The following FAM83G variants were observed in gnomAD, a reference collection of about 807,000 sequenced individuals.
FAM83G encodes scaffolding CK1 anchoring protein G.
Under a neutral mutation model 61.5 loss-of-function variants are expected in FAM83G, and 38 were observed. The ratio of observed to expected loss-of-function variants is 0.62; its 90% CI spans 0.48 to 0.81. FAM83G has a LOEUF of 0.81. Among genes scored for constraint, FAM83G ranks in the 30% least tolerant of loss-of-function variants. The pLI, the probability that FAM83G is intolerant of heterozygous loss-of-function variation, is 0.00. For synonymous variants in FAM83G, 470 were observed against 476.1 expected, an observed-to-expected ratio of 0.99 and a Z score of 0.17; for missense variants, 989 against 1,133.6, an observed-to-expected ratio of 0.87 and a Z score of 1.83.
In FAM83G at chr17:18,969,163, G is replaced by A. The variant is rs377336455; in HGVS notation, c.*2196C>T. 48 of 1,613,026 alleles carry A rather than the reference G, an allele frequency of 3.0e-5. No homozygotes were observed. The East Asian group carries it at 9.8e-4, about 33-fold the overall frequency. On this transcript the variant is annotated 3_prime_UTR_variant, in exon 6 of 6. Transcript: ENST00000388995. ...AGCCCTGTACACCATCGCAGGTATG[G>A]TGCCTGCAGCAGGGAGGTCCACCCA...
intron 2 of FAM83G, among the ~76,000 whole-genome samples, chr17:18,990,954 A>T (rs2043406276): frequency 6.6e-6 from 1 of 152,144 alleles, no homozygotes; most frequent in African/African-American, 2.4e-5. Context: ...GCCCTGTCCC[A>T]CCCAGAGCAC....
chr17:18,981,468 T>C (rs2152013621), intron 3 of FAM83G, among the ~76,000 whole-genome samples: 1 of 152,202 alleles, frequency 6.6e-6, no homozygotes, highest in Admixed American at 6.5e-5. Flanking sequence ...GTTGGGTGTG[T>C]ATCTCAGGAG....
At chr17:18,998,182 C>T (rs551105806) in intron 2 of FAM83G, among the ~76,000 whole-genome samples, 2 of 152,384 alleles carry the variant, frequency 1.3e-5, no homozygotes, top group East Asian at 1.9e-4. Flanking sequence ...CTGGGGCCAA[C>T]GTGGGCCAGG....
rs182848962 is a variant in FAM83G at position 18,979,777 on chromosome 17, G to A, written c.691-104C>T. ...AGGGCTCAGAGGGGACTCTGGAGTAGTCAGGAGGGGAAGAAAGAGGCTGTA... is the reference window on the plus strand; with the variant it reads ...AGGGCTCAGAGGGGACTCTGGAGTAATCAGGAGGGGAAGAAAGAGGCTGTA... On this transcript the variant is annotated intron_variant, in intron 3 of 5. Transcript: ENST00000388995. 2.1e-4 allele frequency: 278 copies of A among 1,312,066 alleles called. 1 individual carries two copies. In the East Asian group the frequency reaches 6.4e-3, roughly 30 times the overall value. 81.3% of individuals were successfully genotyped at this position (1,312,066 alleles called of 1,614,324 possible). A position where few individuals can be genotyped will look rare whatever the true frequency, so the allele number is the denominator to read the frequency against.
intron 2 of FAM83G, among the ~76,000 whole-genome samples, chr17:18,989,332 G>T (rs991871207): frequency 6.6e-6 from 1 of 152,182 alleles, no homozygotes; most frequent in East Asian, 1.9e-4. Flanking sequence ...GCTGGGATGC[G>T]GAGATTCAGG....
rs777763111 is a variant in FAM83G, at chr17:18,976,952, C to T, written c.2082+632G>A. ...TCAAGATGCTCCCCATGGGCCTGATCATCATGCCGGGCATGATCAGCCGCG... is the reference window on the plus strand; with the variant it reads ...TCAAGATGCTCCCCATGGGCCTGATTATCATGCCGGGCATGATCAGCCGCG... On this transcript the variant is annotated intron_variant, in intron 5 of 5. Transcript: ENST00000388995. 4.3e-5 allele frequency: 69 copies of T among 1,613,244 alleles called. 1 individual carries two copies. The highest frequency in any genetic ancestry group is 2.2e-4 in the Admixed American group (13 of 59,996).
chr17:18,995,848 C>G (rs933356889), intron 2 of FAM83G, among the ~76,000 whole-genome samples: 4 of 151,000 alleles, frequency 2.6e-5, no homozygotes, highest in Non-Finnish European at 5.9e-5. Context: ...GTGGAGTTTG[C>G]AGTGAGCCAA....
rs768725617 is a variant in FAM83G, at chr17:19,003,714, C to T, written c.328G>A (p.Glu110Lys). 2.2e-5 allele frequency: 36 copies of T among 1,605,284 alleles called. No homozygotes were observed. Among genetic ancestry groups the T allele is most frequent in the South Asian group, 2.0e-4 (18 of 90,462 alleles). ...EASGADGVPI[E>K]AEPLPSLEYW... ...TCCAGGGAGGGCAGCGGCTCGGCCTCGATGGGGACCCCATCCGCCCCGCTG... is the reference window on the plus strand; with the variant it reads ...TCCAGGGAGGGCAGCGGCTCGGCCTTGATGGGGACCCCATCCGCCCCGCTG... The change falls in exon 2 of 6, where the codon GAG becomes AAG. Residue 110 changes from glutamate (E) to lysine (K), a missense_variant. Around this residue, in one of 3 missense-constraint regions of FAM83G, gnomAD observed 371 missense variants for 404.5 expected, o/e 0.92. Coordinates refer to ENST00000388995, the MANE Select transcript of FAM83G (RefSeq NM_001039999.3). This position sits in a 1 kb window ranked among gnomAD's most constrained non-coding sequence, Gnocchi z 4.5.
chr17:18,989,663 G>T (rs2043361646), intron 2 of FAM83G, among the ~76,000 whole-genome samples: 1 of 152,348 alleles, frequency 6.6e-6, no homozygotes, highest in African/African-American at 2.4e-5. Context: ...GGCTGGGGCG[G>T]GGGCTCGGTG....
rs114966909 is a variant in FAM83G at position 19,000,711 on chromosome 17, T to A, written c.522+2809A>T. 2.3e-3 allele frequency among the ~76,000 whole-genome samples: 355 copies of A among 152,022 alleles called. 1 individual carries two copies. The highest frequency in any genetic ancestry group is 8.4e-3 in the African/African-American group (350 of 41,466). ...CGGCAAGGCGGCCCAGGCAGAGGGA[T>A]CCCCATCCTAGGCAGGGGGCAGGCA... On this transcript the variant is annotated intron_variant, in intron 2 of 5. Transcript: ENST00000388995. The surrounding 1 kb of genome is among the most constrained non-coding windows in gnomAD (Gnocchi z 5.2).
At chr17:18,985,161 C>A (rs1273778361) in intron 3 of FAM83G, among the ~76,000 whole-genome samples, 2 of 152,230 alleles carry the variant, frequency 1.3e-5, no homozygotes, top group Non-Finnish European at 1.5e-5. Flanking sequence ...CGGGGCTGTG[C>A]CTGTCCCTAG....
At chr17:18,985,141 C>A (rs990169570) in intron 3 of FAM83G, among the ~76,000 whole-genome samples, 3 of 152,228 alleles carry the variant, frequency 2.0e-5, no homozygotes, top group Non-Finnish European at 4.4e-5. Flanking sequence ...ACCAGAGCTG[C>A]GTCTCATGGC....
chr17:19,003,881 T>C lies in FAM83G; in HGVS notation c.161A>G (p.Asn54Ser). The change falls in exon 2 of 6, where the codon AAC (asparagine) becomes AGC (serine). Residue 54 changes from asparagine (N) to serine (S), a missense_variant. By Grantham distance (46) the Asn-to-Ser change is conservative. Around this residue, in one of 3 missense-constraint regions of FAM83G, gnomAD observed 371 missense variants for 404.5 expected, o/e 0.92. Transcript: ENST00000388995. This position sits in a 1 kb window ranked among gnomAD's most constrained non-coding sequence, Gnocchi z 4.5. ...DAFYEVLKRE[N>S]IRDFLSELEL... ...CAGCTCCGAGAGGAAGTCTCGGATGTTCTCCCGCTTGAGCACCTCGTAGAA... is the reference window on the plus strand; with the variant it reads ...CAGCTCCGAGAGGAAGTCTCGGATGCTCTCCCGCTTGAGCACCTCGTAGAA... 1 of 1,613,012 alleles carries C rather than the reference T, an allele frequency of 6.2e-7. No homozygotes were observed. Among genetic ancestry groups the C allele is most frequent in the African/African-American group, 1.3e-5 (1 of 75,026 alleles).
In FAM83G at chr17:19,004,360, G is replaced by C. The variant is rs885675; in HGVS notation, c.-128-191C>G. The stretch of plus-strand genomic sequence containing the variant: ...GGGATCGGAACAGCGGTGAGGGAGC[G>C]GTGGGCCACGTCCCAGGGCTCAGCG... On this transcript the variant is annotated intron_variant, in intron 1 of 5. Coordinates refer to ENST00000388995, the MANE Select transcript of FAM83G (RefSeq NM_001039999.3). This position sits in a 1 kb window ranked among gnomAD's most constrained non-coding sequence, Gnocchi z 5.4. The C allele has an allele frequency of 0.25, 65,772 of 267,504 alleles. 11,810 individuals carry two copies. The highest frequency in any genetic ancestry group is 0.54 in the African/African-American group (23,808 of 43,990). The allele number at this position is 267,504 out of a possible 1,614,324, so 16.6% of individuals were successfully genotyped here.
Position 18,996,534 on chromosome 17 carries a change from C to T in FAM83G, c.522+6986G>A, listed in dbSNP as rs1002765611. Among the ~76,000 whole-genome samples the T allele has an allele frequency of 6.6e-5, 10 of 152,156 alleles. No individual in the cohort carries two copies. Among genetic ancestry groups the T allele is most frequent in the Non-Finnish European group, 1.3e-4 (9 of 68,034 alleles). The stretch of plus-strand genomic sequence containing the variant: ...TATAATGTCTCTGAAAGTCTGTCAC[C>T]GAGAGGACTAGTTTAGCTAACAGTC... On this transcript the variant is annotated intron_variant, in intron 2 of 5. Coordinates refer to ENST00000388995, the MANE Select transcript of FAM83G (RefSeq NM_001039999.3). The surrounding 1 kb of genome is among the most constrained non-coding windows in gnomAD (Gnocchi z 4.4).
intron 3 of FAM83G, among the ~76,000 whole-genome samples, chr17:18,982,815 C>T (rs965183148): frequency 1.3e-5 from 2 of 152,234 alleles, no homozygotes; most frequent in African/African-American, 2.4e-5. Flanking sequence ...CATTCCTGAG[C>T]TCCAGTCAAA....
rs967555033 is a variant in FAM83G, at chr17:19,004,376, G to A, written c.-128-207C>T. The A allele has an allele frequency of 8.1e-6, 2 of 247,714 alleles. No homozygotes were observed. The highest frequency in any genetic ancestry group is 1.5e-5 in the Non-Finnish European group (2 of 130,874). The allele number at this position is 247,714 out of a possible 1,614,324, so 15.3% of individuals were successfully genotyped here. A position where few individuals can be genotyped will look rare whatever the true frequency, so the allele number is the denominator to read the frequency against. Reference sequence around the variant, plus strand: ...TGAGGGAGCGGTGGGCCACGTCCCAGGGCTCAGCGTGCCTCTACGTGCAGG... The same window carrying A: ...TGAGGGAGCGGTGGGCCACGTCCCAAGGCTCAGCGTGCCTCTACGTGCAGG... On this transcript the variant is annotated intron_variant, in intron 1 of 5. Coordinates refer to ENST00000388995, the MANE Select transcript of FAM83G (RefSeq NM_001039999.3). The surrounding 1 kb of genome is among the most constrained non-coding windows in gnomAD (Gnocchi z 5.4).
upstream of FAM83G, among the ~76,000 whole-genome samples, chr17:19,004,997 C>T (rs1247935203): frequency 6.6e-6 from 1 of 152,224 alleles, no homozygotes; most frequent in Non-Finnish European, 1.5e-5. This position sits in a 1 kb window ranked among gnomAD's most constrained non-coding sequence, Gnocchi z 5.4. Context: ...AGTGTTCTCC[C>T]TGAGGTCACA....
chr17:18,968,907 T>TGCAG lies in FAM83G; in HGVS notation c.*2448_*2451dup. ...CCCCAACCTCACAATGGCCCCGTGA[T>TGCAG]GCAGGCAGGCAGGCGAGTGGGGGTC... On this transcript the variant is annotated 3_prime_UTR_variant, in exon 6 of 6. Coordinates refer to ENST00000388995, the MANE Select transcript of FAM83G (RefSeq NM_001039999.3). The surrounding 1 kb of genome is among the most constrained non-coding windows in gnomAD (Gnocchi z 4.1). 3 of 674,612 alleles carry TGCAG rather than the reference T, an allele frequency of 4.4e-6. No homozygotes were observed. The East Asian group carries it at 8.4e-5, about 19-fold the overall frequency. 41.8% of individuals were successfully genotyped at this position (674,612 alleles called of 1,614,324 possible). A position where few individuals can be genotyped will look rare whatever the true frequency, so the allele number is the denominator to read the frequency against.
Sources: allele counts gnomAD v4.1 joint callset (sites outside exome capture counted in the v4.1 genomes callset), GRCh38; gene constraint gnomAD v4.1.1; regional missense constraint gnomAD v4.1.1; non-coding constraint Gnocchi (gnomAD v3.1); transcripts MANE v1.5; gene names NCBI Gene and HGNC (gene_info 2026-07-23, HGNC 2026-07-21).